KCNQ1: variants seen among roughly 807,000 people sequenced by gnomAD.
KCNQ1 encodes the protein potassium voltage-gated channel subfamily Q member 1.
Under a neutral mutation model 72.4 loss-of-function variants are expected in KCNQ1, and 49 were observed. The ratio of observed to expected loss-of-function variants is 0.68; its 90% CI spans 0.54 to 0.86. The LOEUF (loss-of-function observed/expected upper bound fraction) is 0.86, where lower values mean the gene tolerates loss of function less well. Among genes scored for constraint, KCNQ1 ranks in the 40% least tolerant of loss-of-function variants. The probability of loss-of-function intolerance (pLI) is 0.00; values close to 1 mark genes in which losing one functional copy is unlikely to be tolerated. For missense variants in KCNQ1, 790 were observed against 945.1 expected, an observed-to-expected ratio of 0.84 and a Z score of 2.15; for synonymous variants, 450 against 412.6, an observed-to-expected ratio of 1.09 and a Z score of -1.10.
At position 2,682,755 on chromosome 11, in the gene KCNQ1, T is replaced by G; in HGVS notation, c.1514+20674T>G. On this transcript the variant is annotated intron_variant, in intron 11 of 15. Transcript: ENST00000155840. This position sits in a 1 kb window ranked among gnomAD's most constrained non-coding sequence, Gnocchi z 5.8. ...TCCCCTTGAGCCCACTCATCTCTGT[T>G]GACATTCTAGAAATGCAGGGAAATC... The G allele has an allele frequency of 2.5e-6, 1 of 398,680 alleles. No individual in the cohort carries two copies. Among genetic ancestry groups the G allele is most frequent in the Non-Finnish European group, 4.4e-6 (1 of 226,108 alleles). The allele number at this position is 398,680 out of a possible 1,614,324, so 24.7% of individuals were successfully genotyped here.
intron 2 of KCNQ1, among the ~76,000 whole-genome samples, chr11:2,534,302 C>T (rs1231392232): frequency 6.6e-6 from 1 of 152,256 alleles, no homozygotes; most frequent in African/African-American, 2.4e-5. Context: ...ACCTGGGACC[C>T]GCAGCTGCTC....
rs1007906661 is a variant in KCNQ1 at position 2,808,816 on chromosome 11, C to A, written c.1794+30779C>A. 1.3e-5 allele frequency among the ~76,000 whole-genome samples: 2 copies of A among 151,922 alleles called. No individual in the cohort carries two copies. Among genetic ancestry groups the A allele is most frequent in the African/African-American group, 4.8e-5 (2 of 41,314 alleles). On this transcript the variant is annotated intron_variant, in intron 15 of 15. Transcript: ENST00000155840. This position sits in a 1 kb window ranked among gnomAD's most constrained non-coding sequence, Gnocchi z 6.0. ...GAAAAAGGATGGTTAGATACATGGGCAGATTAATGGATGGACAGATTGTTG... is the reference window on the plus strand; with the variant it reads ...GAAAAAGGATGGTTAGATACATGGGAAGATTAATGGATGGACAGATTGTTG...
chr11:2,726,238 G>A (rs1477317173), intron 11 of KCNQ1, among the ~76,000 whole-genome samples: 2 of 152,224 alleles, frequency 1.3e-5, no homozygotes, highest in Non-Finnish European at 2.9e-5. Context: ...GCTCGCTCAC[G>A]AGATGTGTGC....
In KCNQ1 at chr11:2,669,108, C is replaced by A. The variant is rs1028581496; in HGVS notation, c.1514+7027C>A. 1 of 398,586 alleles carries A rather than the reference C, an allele frequency of 2.5e-6. No homozygotes were observed. Among genetic ancestry groups the A allele is most frequent in the Non-Finnish European group, 4.4e-6 (1 of 226,128 alleles). The allele number at this position is 398,586 out of a possible 1,614,324, so 24.7% of individuals were successfully genotyped here. ...GTCTTTACAATCAGCTCACTGGCTA[C>A]GTGTGGCTCTGTTTCTGGACCCTAT... is the stretch of plus-strand genomic sequence containing the variant. On this transcript the variant is annotated intron_variant, in intron 11 of 15. Transcript: ENST00000155840. This position sits in a 1 kb window ranked among gnomAD's most constrained non-coding sequence, Gnocchi z 5.6.
chr11:2,503,765 T>A (rs576161691), intron 1 of KCNQ1, among the ~76,000 whole-genome samples: 1 of 152,192 alleles, frequency 6.6e-6, no homozygotes, highest in East Asian at 1.9e-4. Context: ...GAAATGCAAA[T>A]GAAAACTATA....
In KCNQ1 at chr11:2,750,807, G is replaced by A. The variant is rs949096114; in HGVS notation, c.1515-18037G>A. On this transcript the variant is annotated intron_variant, in intron 11 of 15. Transcript: ENST00000155840. This position sits in a 1 kb window ranked among gnomAD's most constrained non-coding sequence, Gnocchi z 6.3. ...AACACTTTTCTTGTTTTCTTTCTCC[G>A]GCATGCTGGAAGCCGGCCAACTCGC... Among the ~76,000 whole-genome samples, 3 of 152,138 alleles carry A rather than the reference G, an allele frequency of 2.0e-5. No individual in the cohort carries two copies. The highest frequency in any genetic ancestry group is 4.2e-4 in the South Asian group (2 of 4,814).
intron 1 of KCNQ1, among the ~76,000 whole-genome samples, chr11:2,502,030 T>C (rs1015104696): frequency 6.6e-6 from 1 of 152,170 alleles, no homozygotes; most frequent in African/African-American, 2.4e-5. Flanking sequence ...AACCTAGGTA[T>C]AGAAGGAACA....
At chr11:2,807,424 C>T (rs954952234) in intron 15 of KCNQ1, among the ~76,000 whole-genome samples, 5 of 152,198 alleles carry the variant, frequency 3.3e-5, no homozygotes, top group African/African-American at 4.8e-5. Context: ...GTGCCGCCCG[C>T]GGTCGCTGCA....
At position 2,719,280 on chromosome 11, in the gene KCNQ1, G is replaced by A. The variant is rs1476389173; in HGVS notation, c.1515-49564G>A. Among the ~76,000 whole-genome samples, 24 of 149,670 alleles carry A rather than the reference G, an allele frequency of 1.6e-4. No individual in the cohort carries two copies. The Admixed American group carries it at 1.6e-3, about 10-fold the overall frequency. The stretch of plus-strand genomic sequence containing the variant: ...TGCCTATAGTCCCAGCACTTTGGGA[G>A]GCCAGGCGTTAGAGACCAGCCTGGG... On this transcript the variant is annotated intron_variant, in intron 11 of 15. Transcript: ENST00000155840.
At chr11:2,619,661 A>C (rs1428481870) in intron 10 of KCNQ1, 2 of 395,682 alleles carry the variant, frequency 5.1e-6, no homozygotes, top group African/African-American at 4.2e-5. Flanking sequence ...CCTGGGTATC[A>C]AGGTGATGCT....
At position 2,658,767 on chromosome 11, in the gene KCNQ1, T is replaced by C; in HGVS notation, c.1394-3194T>C. On this transcript the variant is annotated intron_variant, in intron 10 of 15. Coordinates refer to ENST00000155840, the MANE Select transcript of KCNQ1 (RefSeq NM_000218.3). This position sits in a 1 kb window ranked among gnomAD's most constrained non-coding sequence, Gnocchi z 4.9. Reference sequence around the variant, plus strand: ...TATAAAGCTAACCATGAGTTCATACTGACATTTCTGACCAGAGTTCATCCT... The same window carrying C: ...TATAAAGCTAACCATGAGTTCATACCGACATTTCTGACCAGAGTTCATCCT... The C allele has an allele frequency of 2.5e-6, 1 of 398,612 alleles. No individual in the cohort carries two copies. The highest frequency in any genetic ancestry group is 4.4e-6 in the Non-Finnish European group (1 of 226,066). The allele number at this position is 398,612 out of a possible 1,614,324, so 24.7% of individuals were successfully genotyped here.
chr11:2,521,505 G>A (rs186544414), intron 1 of KCNQ1: 157 of 470,492 alleles, frequency 3.3e-4, no homozygotes, highest in East Asian at 1.4e-4. Context: ...ATACGGTCAC[G>A]AGAGTGCAAA....
chr11:2,667,199 C>A (rs990974141), intron 11 of KCNQ1: 6 of 398,614 alleles, frequency 1.5e-5, no homozygotes, highest in Admixed American at 4.4e-5. Context: ...TGTGGCGGCC[C>A]CCCGTGGCCC....
rs1454182651 is a variant in KCNQ1, at chr11:2,468,306, C to A, written c.386+22822C>A. On this transcript the variant is annotated intron_variant, in intron 1 of 15. Transcript: ENST00000155840. This position sits in a 1 kb window ranked among gnomAD's most constrained non-coding sequence, Gnocchi z 5.7. ...GGACTACAGATGCACACCACCACGCCTGGCTAATTTTTGTATTTTTTGTAG... is the reference window on the plus strand; with the variant it reads ...GGACTACAGATGCACACCACCACGCATGGCTAATTTTTGTATTTTTTGTAG... Among the ~76,000 whole-genome samples, 1 of 152,168 alleles carries A rather than the reference C, an allele frequency of 6.6e-6. No homozygotes were observed. The highest frequency in any genetic ancestry group is 1.9e-4 in the East Asian group (1 of 5,194).
intron 2 of KCNQ1, among the ~76,000 whole-genome samples, chr11:2,546,970 T>A (rs2133687268): frequency 6.6e-6 from 1 of 152,372 alleles, no homozygotes; most frequent in South Asian, 2.1e-4. Context: ...TCATTTACTT[T>A]CAAACCATTT....
At position 2,787,271 on chromosome 11, in the gene KCNQ1, T is replaced by C. The variant is rs1021636342; in HGVS notation, c.1794+9234T>C. On this transcript the variant is annotated intron_variant, in intron 15 of 15. Transcript: ENST00000155840. This position sits in a 1 kb window ranked among gnomAD's most constrained non-coding sequence, Gnocchi z 6.3. ...TTCTCAGGGAGTAGGAGATTTTTCA[T>C]TGGCCCTCACAATGAAAGCAGAGCC... Among the ~76,000 whole-genome samples the C allele has an allele frequency of 2.6e-5, 4 of 152,228 alleles. No homozygotes were observed. Among genetic ancestry groups the C allele is most frequent in the Non-Finnish European group, 4.4e-5 (3 of 68,034 alleles).
chr11:2,732,622 C>A (rs561760183), intron 11 of KCNQ1, among the ~76,000 whole-genome samples: 2 of 152,320 alleles, frequency 1.3e-5, no homozygotes, highest in Admixed American at 1.3e-4. Flanking sequence ...GCCCGAGGGC[C>A]GTCTGACCTT....
chr11:2,660,617 A>G (rs1284252131), intron 10 of KCNQ1: 2 of 398,548 alleles, frequency 5.0e-6, no homozygotes, highest in Admixed American at 4.4e-5. Flanking sequence ...TGCCAAGCCC[A>G]TAAAAGGTAT....
chr11:2,591,819 A>G (rs994542971), intron 10 of KCNQ1, among the ~76,000 whole-genome samples: 4 of 152,246 alleles, frequency 2.6e-5, no homozygotes, highest in Non-Finnish European at 5.9e-5. Context: ...AAGTCAGCCC[A>G]GGCTGGAACC....
Sources: gnomAD v4.1 joint callset for allele counts (sites outside exome capture counted in the v4.1 genomes callset) on GRCh38, gnomAD v4.1.1 for gene constraint, Gnocchi (gnomAD v3.1) non-coding constraint, MANE v1.5 for transcripts, NCBI Gene and HGNC (gene_info 2026-07-23, HGNC 2026-07-21) for gene names.